The following GPC5 variants were observed in gnomAD, a reference collection of about 807,000 sequenced individuals.
The protein encoded by GPC5 is glypican 5, also known as glypican-5.
A neutral mutation model predicts 53.9 loss-of-function variants in GPC5; 47 were observed. The ratio of observed to expected loss-of-function variants is 0.87; its 90% CI spans 0.69 to 1.11. GPC5 has a LOEUF of 1.11. Among genes scored for constraint, GPC5 ranks in the 50% most tolerant of loss-of-function variants. GPC5 has a pLI of 0.00. For missense variants in GPC5, 748 were observed against 713.1 expected (o/e 1.05, Z -0.56); for synonymous variants, 286 against 263.3 (o/e 1.09, Z -0.84).
intron 7 of GPC5, among the ~76,000 whole-genome samples, chr13:92,436,415 A>G (rs913280898): frequency 1.3e-5 from 2 of 152,152 alleles, no homozygotes; most frequent in African/African-American, 4.8e-5. Flanking sequence ...GCAGTCTTGT[A>G]TCCTTCGCTG....
chr13:92,039,543 T>A (rs900182267), intron 6 of GPC5, among the ~76,000 whole-genome samples: 3 of 152,224 alleles, frequency 2.0e-5, no homozygotes, highest in African/African-American at 7.2e-5. Context: ...CTACTAAGTT[T>A]CACTAAGATC....
In GPC5 at chr13:91,693,123, G is replaced by A; in HGVS notation, c.326-64G>A. On this transcript the variant is annotated intron_variant, in intron 2 of 7. Coordinates refer to ENST00000377067, the MANE Select transcript of GPC5 (RefSeq NM_004466.6). ...TTTGATGAGTCATTTAATGTCTGGA[G>A]CAGATGGACGGTGTTAGCATGAATA... 9 of 1,147,154 alleles carry A rather than the reference G, an allele frequency of 7.8e-6. No individual in the cohort carries two copies. The South Asian group carries it at 1.3e-4, about 17-fold the overall frequency. 71.1% of individuals were successfully genotyped at this position (1,147,154 alleles called of 1,614,324 possible). A position where few individuals can be genotyped will look rare whatever the true frequency, so the allele number is the denominator to read the frequency against.
intron 7 of GPC5, among the ~76,000 whole-genome samples, chr13:92,835,769 G>C (rs1467184379): frequency 1.3e-5 from 2 of 151,896 alleles, no homozygotes; most frequent in Admixed American, 6.6e-5. Flanking sequence ...TTAGTATCAT[G>C]AGACTCTTAA....
At chr13:92,206,173 T>A (rs1326174106) in intron 7 of GPC5, among the ~76,000 whole-genome samples, 111 of 148,010 alleles carry the variant, frequency 7.5e-4, no homozygotes, top group East Asian at 1.6e-3. Flanking sequence ...TTTTATTTTT[T>A]TTTTTTTTTT....
intron 2 of GPC5, among the ~76,000 whole-genome samples, chr13:91,481,563 A>G (rs928236636): frequency 2.6e-5 from 4 of 152,160 alleles, no homozygotes; most frequent in African/African-American, 4.8e-5. Context: ...GCTCAGAGGT[A>G]TGACTAGAGT....
intron 6 of GPC5, among the ~76,000 whole-genome samples, chr13:92,116,063 C>T (rs879356067): frequency 6.6e-6 from 1 of 151,664 alleles, no homozygotes; most frequent in Non-Finnish European, 1.5e-5. Flanking sequence ...CCAGGCTGGG[C>T]AACATAGCAG....
chr13:92,142,657 T>G (rs927009745), intron 6 of GPC5, among the ~76,000 whole-genome samples: 1 of 152,214 alleles, frequency 6.6e-6, no homozygotes, highest in African/African-American at 2.4e-5. Context: ...AAATCAATTA[T>G]CTTTCTGTTT....
At chr13:91,928,138 T>C (rs978299133) in intron 6 of GPC5, among the ~76,000 whole-genome samples, 4 of 152,190 alleles carry the variant, frequency 2.6e-5, no homozygotes, top group African/African-American at 9.6e-5. Flanking sequence ...GTGTTTAACC[T>C]GATAAACAGA....
At chr13:92,466,445 A>G (rs1878695189) in intron 7 of GPC5, among the ~76,000 whole-genome samples, 2 of 152,032 alleles carry the variant, frequency 1.3e-5, no homozygotes, top group Admixed American at 6.6e-5. Flanking sequence ...ACATTTTTTC[A>G]TTCAATTCAT....
intron 7 of GPC5, among the ~76,000 whole-genome samples, chr13:92,415,203 T>A (rs1038478141): frequency 2.0e-5 from 3 of 152,184 alleles, no homozygotes; most frequent in South Asian, 2.1e-4. Flanking sequence ...TTCATCTTTC[T>A]GGCAACTTCA....
At chr13:92,526,950 TAAGA>T (rs765662280) in intron 7 of GPC5, among the ~76,000 whole-genome samples, 10 of 151,208 alleles carry the variant, frequency 6.6e-5, no homozygotes, top group Non-Finnish European at 1.3e-4. Flanking sequence ...GGAACAAGTG[TAAGA>T]AAGAATCAAG....
At chr13:92,642,603 A>G (rs1335372744) in intron 7 of GPC5, among the ~76,000 whole-genome samples, 2 of 152,232 alleles carry the variant, frequency 1.3e-5, no homozygotes, top group East Asian at 1.9e-4. Flanking sequence ...TTTGTAGGCC[A>G]CTACATCTGG....
chr13:91,754,822 A>G (rs112154241), intron 4 of GPC5, among the ~76,000 whole-genome samples: 3,820 of 152,222 alleles, frequency 0.025, 159 homozygotes, highest in African/African-American at 0.086. Flanking sequence ...AATATGTAAT[A>G]TAATTACTGT....
chr13:92,366,413 C>G (rs192635756), intron 7 of GPC5, among the ~76,000 whole-genome samples: 1 of 151,788 alleles, frequency 6.6e-6, no homozygotes. Flanking sequence ...CAACTCAGTA[C>G]TAGGAGGAAT....
At chr13:91,775,472 C>CA (rs1353324956) in intron 5 of GPC5, among the ~76,000 whole-genome samples, 2 of 152,092 alleles carry the variant, frequency 1.3e-5, no homozygotes, top group African/African-American at 4.8e-5. Context: ...ATCAACAATG[C>CA]AATTTTTTTG....
At chr13:91,823,183 G>A (rs1413840286) in intron 5 of GPC5, among the ~76,000 whole-genome samples, 1 of 151,946 alleles carries the variant, frequency 6.6e-6, no homozygotes, top group Non-Finnish European at 1.5e-5. Context: ...TGAAAAAGTA[G>A]GAGTTCAGAT....
At chr13:91,749,836 C>G in intron 4 of GPC5, among the ~76,000 whole-genome samples, 1 of 152,302 alleles carries the variant, frequency 6.6e-6, no homozygotes, top group South Asian at 2.1e-4. Flanking sequence ...GAGACAGAGT[C>G]TCGCTGCTCT....
chr13:92,232,703 T>C (rs1457359662), intron 7 of GPC5, among the ~76,000 whole-genome samples: 1 of 152,200 alleles, frequency 6.6e-6, no homozygotes. Context: ...TAAAAAGACT[T>C]TGGTGACTGT....
At chr13:92,667,027 A>T (rs772530519) in intron 7 of GPC5, among the ~76,000 whole-genome samples, 19 of 152,212 alleles carry the variant, frequency 1.2e-4, no homozygotes, top group Admixed American at 1.2e-3. Flanking sequence ...AACATTATGC[A>T]TAATTTTCAA....
Sources: gnomAD v4.1 joint callset for allele counts (sites outside exome capture counted in the v4.1 genomes callset) on GRCh38, gnomAD v4.1.1 for gene constraint, MANE v1.5 for transcripts, NCBI Gene and HGNC (gene_info 2026-07-23, HGNC 2026-07-21) for gene names.